Variants in FGF12 observed in about 807,000 individuals in gnomAD.
FGF12 encodes the protein fibroblast growth factor 12B.
A neutral mutation model predicts 23.6 loss-of-function variants in FGF12; 14 were observed. The ratio of observed to expected loss-of-function variants is 0.59; its 90% CI spans 0.39 to 0.93. The LOEUF is 0.93. Ranked by LOEUF, FGF12 falls within the 40% of genes least tolerant of loss-of-function variation. The pLI is 0.00. For synonymous variants in FGF12, 62 were observed against 77.3 expected, an observed-to-expected ratio of 0.80 and a Z score of 1.04; for missense variants, 175 against 217.8, an observed-to-expected ratio of 0.80 and a Z score of 1.24.
Position 192,203,313 on chromosome 3 carries a change from C to T in FGF12, c.229-32657G>A, listed in dbSNP as rs528549107. Among the ~76,000 whole-genome samples, 5 of 152,156 alleles carry T rather than the reference C, an allele frequency of 3.3e-5. No homozygotes were observed. In the East Asian group the frequency reaches 9.6e-4, roughly 29 times the overall value. On this transcript the variant is annotated intron_variant, in intron 4 of 5. Coordinates refer to ENST00000445105, the MANE Select transcript of FGF12 (RefSeq NM_004113.6). ...GACCTAGCTTAATGATCCTTCTAAACAAGATATTCTCTAGTTAAAAGGAAT... is the reference window on the plus strand; with the variant it reads ...GACCTAGCTTAATGATCCTTCTAAATAAGATATTCTCTAGTTAAAAGGAAT...
intron 2 of FGF12, among the ~76,000 whole-genome samples, chr3:192,651,477 T>G (rs1716212847): frequency 6.6e-6 from 1 of 152,114 alleles, no homozygotes; most frequent in Non-Finnish European, 1.5e-5. Flanking sequence ...GAGGCCTGCT[T>G]CTCAATTCAA....
intron 4 of FGF12, among the ~76,000 whole-genome samples, chr3:192,255,014 T>G (rs532269768): frequency 3.4e-4 from 52 of 151,892 alleles, no homozygotes; most frequent in African/African-American, 1.3e-3. Context: ...GTAGGAAGAG[T>G]ATTAACTTAG....
At chr3:192,209,270 G>A (rs1028670913) in intron 4 of FGF12, among the ~76,000 whole-genome samples, 18 of 152,220 alleles carry the variant, frequency 1.2e-4, no homozygotes, top group African/African-American at 3.1e-4. Flanking sequence ...CATGAAATGT[G>A]GATGTAATGG....
intron 4 of FGF12, among the ~76,000 whole-genome samples, chr3:192,333,154 A>T (rs533170202): frequency 2.2e-4 from 34 of 152,110 alleles, no homozygotes; most frequent in Admixed American, 7.2e-4. Context: ...CAACCCAGCA[A>T]TCCCTCCAAA....
At chr3:192,642,749 C>T (rs923370129) in intron 2 of FGF12, among the ~76,000 whole-genome samples, 3 of 152,160 alleles carry the variant, frequency 2.0e-5, no homozygotes, top group African/African-American at 7.2e-5. Flanking sequence ...AAATGTTAAT[C>T]GGAGGTCAGC....
intron 2 of FGF12, among the ~76,000 whole-genome samples, chr3:192,422,124 T>C (rs556508006): frequency 6.6e-6 from 1 of 152,136 alleles, no homozygotes; most frequent in African/African-American, 2.4e-5. Flanking sequence ...TGAACAGTTT[T>C]GTAATAATTT....
In FGF12 at chr3:192,593,644, C is replaced by T. The variant is rs111241700; in HGVS notation, c.13+133537G>A. Among the ~76,000 whole-genome samples the T allele has an allele frequency of 7.1e-4, 108 of 152,004 alleles. 2 individuals carry two copies. Among genetic ancestry groups the T allele is most frequent in the African/African-American group, 2.5e-3 (103 of 41,546 alleles). ...TTATTAGCAAAGTCAATCTTTGGAACTAAACAAACAAACGAACCGAAAAAC... is the reference window on the plus strand; with the variant it reads ...TTATTAGCAAAGTCAATCTTTGGAATTAAACAAACAAACGAACCGAAAAAC... On this transcript the variant is annotated intron_variant, in intron 2 of 5. Coordinates refer to ENST00000445105, the MANE Select transcript of FGF12 (RefSeq NM_004113.6).
intron 2 of FGF12, among the ~76,000 whole-genome samples, chr3:192,585,732 G>A (rs922163679): frequency 2.0e-5 from 3 of 152,126 alleles, no homozygotes; most frequent in African/African-American, 7.2e-5. Flanking sequence ...AACAACAATA[G>A]GTGGAAGACT....
intron 2 of FGF12, among the ~76,000 whole-genome samples, chr3:192,422,034 TTTA>T (rs1721546559): frequency 5.8e-3 from 2 of 342 alleles, no homozygotes; most frequent in South Asian, 0.17. Context: ...TTTGCTTTAG[TTTA>T]TTTTTTTTTG....
chr3:192,605,379 C>CA (rs34154107), intron 2 of FGF12, among the ~76,000 whole-genome samples: 1,419 of 124,582 alleles, frequency 0.011, 22 homozygotes, highest in African/African-American at 0.038. Context: ...GACTCCGTCT[C>CA]AAAAAAAAAA....
chr3:192,169,536 G>T (rs138471183), intron 5 of FGF12, among the ~76,000 whole-genome samples: 4 of 152,182 alleles, frequency 2.6e-5, no homozygotes, highest in Non-Finnish European at 5.9e-5. Flanking sequence ...CTATGCACCA[G>T]GCATTGTGTA....
At chr3:192,512,841 T>TATATATATATATATATATATATAC (rs1560135293) in intron 2 of FGF12, among the ~76,000 whole-genome samples, 4 of 119,386 alleles carry the variant, frequency 3.4e-5, no homozygotes, top group African/African-American at 1.2e-4. Context: ...AATAAATATA[T>TATATATATATATATATATATATAC]ATATATATAT....
chr3:192,578,211 G>C, intron 2 of FGF12, among the ~76,000 whole-genome samples: 1 of 152,180 alleles, frequency 6.6e-6, no homozygotes, highest in South Asian at 2.1e-4. Context: ...TGTTTATGTA[G>C]CAATCACAAT....
intron 2 of FGF12, among the ~76,000 whole-genome samples, chr3:192,476,297 ATT>A (rs1723321865): frequency 6.6e-6 from 1 of 152,052 alleles, no homozygotes; most frequent in Admixed American, 6.6e-5. Context: ...TGAGGAAAAT[ATT>A]GTTATTTTTG....
intron 2 of FGF12, among the ~76,000 whole-genome samples, chr3:192,370,077 G>C (rs928904240): frequency 1.3e-5 from 2 of 152,156 alleles, no homozygotes; most frequent in African/African-American, 4.8e-5. Flanking sequence ...ATGTAGCTGG[G>C]TGTGGTCAGG....
Position 192,624,061 on chromosome 3 carries a change from C to T in FGF12, c.13+103120G>A, listed in dbSNP as rs990054242. 5.3e-5 allele frequency among the ~76,000 whole-genome samples: 8 copies of T among 152,176 alleles called. No homozygotes were observed. The South Asian group carries it at 1.0e-3, about 20-fold the overall frequency. Reference sequence around the variant, plus strand: ...GAGATGACATGACATTATGAGGCTCCGTGGTTTAAGTTCCTTTTTTCCATA... The same window carrying T: ...GAGATGACATGACATTATGAGGCTCTGTGGTTTAAGTTCCTTTTTTCCATA... On this transcript the variant is annotated intron_variant, in intron 2 of 5. Transcript: ENST00000445105.
rs1724599470 is a variant in FGF12, at chr3:192,514,591, C to T, written c.14-154053G>A. 1 of 659,618 alleles carries T rather than the reference C, an allele frequency of 1.5e-6. No individual in the cohort carries two copies. 40.9% of individuals were successfully genotyped at this position (659,618 alleles called of 1,614,324 possible). On this transcript the variant is annotated intron_variant, in intron 2 of 5. Transcript: ENST00000445105. The surrounding 1 kb of genome is among the most constrained non-coding windows in gnomAD (Gnocchi z 4.9). ...CAGCGCTGAATGAAGCAGAGGAGGG[C>T]GGCGGAGAGGGCCCCGGAAGAAGGG...
intron 2 of FGF12, among the ~76,000 whole-genome samples, chr3:192,618,952 T>C (rs534403748): frequency 2.0e-5 from 3 of 151,866 alleles, no homozygotes; most frequent in Non-Finnish European, 4.4e-5. Context: ...TAAAAAATCA[T>C]ATAACATGTT....
chr3:192,628,429 C>T (rs866871460), intron 2 of FGF12, among the ~76,000 whole-genome samples: 7 of 142,208 alleles, frequency 4.9e-5, no homozygotes, highest in Middle Eastern at 3.6e-3. Flanking sequence ...ATTTTTCATT[C>T]CAACCAAAGG....
Sources: allele counts gnomAD v4.1 joint callset (sites outside exome capture counted in the v4.1 genomes callset), GRCh38; gene constraint gnomAD v4.1.1; non-coding constraint Gnocchi (gnomAD v3.1); transcripts MANE v1.5; gene names NCBI Gene and HGNC (gene_info 2026-07-23, HGNC 2026-07-21).